Variants in CLNK observed in about 807,000 individuals in gnomAD.
The protein encoded by CLNK is cytokine dependent hematopoietic cell linker.
CLNK carries 74 observed loss-of-function variants against 68.6 expected under a neutral mutation model. The ratio of observed to expected loss-of-function variants is 1.08; its 90% confidence interval spans 0.89 to 1.31. The LOEUF is 1.31. Among genes scored for constraint, CLNK ranks in the 50% most tolerant of loss-of-function variants. The pLI is 0.00. For missense variants in CLNK, 553 were observed against 515.3 expected, an observed-to-expected ratio of 1.07 and a Z score of -0.71; for synonymous variants, 198 against 172.2, an observed-to-expected ratio of 1.15 and a Z score of -1.17.
rs189849372 is a variant in CLNK at position 10,596,055 on chromosome 4, C to T, written c.83+1923G>A. Among the ~76,000 whole-genome samples, 267 of 152,256 alleles carry T rather than the reference C, an allele frequency of 1.8e-3. 1 individual carries two copies. The highest frequency in any genetic ancestry group is 6.8e-3 in the Middle Eastern group (2 of 294). On this transcript the variant is annotated intron_variant, in intron 3 of 18. Coordinates refer to ENST00000226951, the MANE Select transcript of CLNK (RefSeq NM_052964.4). ...TGTTTTTCTTTTTGAGACAGAGTTT[C>T]GCTCTTGTTGCCCAGGCTGGAGGGC...
chr4:10,629,900 A>G (rs958134938), intron 2 of CLNK, among the ~76,000 whole-genome samples: 2 of 152,166 alleles, frequency 1.3e-5, no homozygotes, highest in African/African-American at 4.8e-5. Flanking sequence ...TCAAGGCTTC[A>G]GAAATATCCC....
intron 16 of CLNK, among the ~76,000 whole-genome samples, chr4:10,509,279 C>G (rs952855757): frequency 6.6e-6 from 1 of 152,042 alleles, no homozygotes; most frequent in Non-Finnish European, 1.5e-5. Flanking sequence ...TGATGGACAC[C>G]ACATGATCTG....
At chr4:10,583,043 A>G (rs139144392) in intron 4 of CLNK, among the ~76,000 whole-genome samples, 8 of 152,340 alleles carry the variant, frequency 5.3e-5, no homozygotes, top group African/African-American at 1.4e-4. Flanking sequence ...TCTCGCATGA[A>G]CGCCCTCTCC....
At chr4:10,611,578 C>A (rs1304533848) in intron 2 of CLNK, among the ~76,000 whole-genome samples, 1 of 151,910 alleles carries the variant, frequency 6.6e-6, no homozygotes, top group Non-Finnish European at 1.5e-5. Context: ...GCCAGAGGGG[C>A]TTCTAGAGAA....
chr4:10,526,100 G>A (rs752198173), intron 13 of CLNK, among the ~76,000 whole-genome samples, 178 bp from the exon 14 acceptor site: 4 of 152,096 alleles, frequency 2.6e-5, no homozygotes, highest in Non-Finnish European at 4.4e-5. Flanking sequence ...TGGCTCCTCA[G>A]AATGACTTTT....
intron 5 of CLNK, among the ~76,000 whole-genome samples, chr4:10,571,399 A>G (rs557353272): frequency 2.3e-5 from 3 of 129,338 alleles, no homozygotes; most frequent in Non-Finnish European, 3.0e-5. Context: ...CAAGGGTGCT[A>G]TCTCGGCTCA....
At chr4:10,700,711 C>T in the CLNK span, among the ~76,000 whole-genome samples, 202 of 152,242 alleles carry the variant, frequency 1.3e-3, 1 homozygote, top group African/African-American at 4.6e-3. Context: ...AGTTTACATT[C>T]TTCTGTAAGC....
chr4:10,575,492 C>T (rs1720527754), intron 4 of CLNK, among the ~76,000 whole-genome samples: 1 of 152,282 alleles, frequency 6.6e-6, no homozygotes, highest in South Asian at 2.1e-4. Flanking sequence ...CGCTGTTCCT[C>T]ACCACTCCTG....
At chr4:10,587,034 G>A (rs1217602825) in intron 3 of CLNK, among the ~76,000 whole-genome samples, 3 of 150,944 alleles carry the variant, frequency 2.0e-5, no homozygotes, top group African/African-American at 4.9e-5. Context: ...TTGGAATCTT[G>A]GCTCACTGCA....
intron 3 of CLNK, among the ~76,000 whole-genome samples, chr4:10,595,284 C>T (rs922295598): frequency 2.0e-5 from 3 of 152,122 alleles, no homozygotes; most frequent in South Asian, 4.1e-4. Context: ...TGGTGAAGAC[C>T]GAATGCCAAG....
the CLNK span, among the ~76,000 whole-genome samples, chr4:10,727,920 A>AT: frequency 2.0e-5 from 3 of 152,074 alleles, no homozygotes; most frequent in Admixed American, 6.6e-5. Flanking sequence ...GGGCTTAGCA[A>AT]TTTTTTTTAA....
chr4:10,674,832 A>G (rs1407360555), intron 1 of CLNK, among the ~76,000 whole-genome samples: 2 of 152,190 alleles, frequency 1.3e-5, no homozygotes, highest in Non-Finnish European at 2.9e-5. Flanking sequence ...TTCAACCCCC[A>G]TTTATGAGTA....
intron 2 of CLNK, among the ~76,000 whole-genome samples, chr4:10,652,088 A>G (rs1251856949): frequency 6.6e-6 from 1 of 152,118 alleles, no homozygotes; most frequent in Non-Finnish European, 1.5e-5. Context: ...ATCTAGTTAA[A>G]AGACATTTGA....
At chr4:10,651,989 A>AG (rs1723760149) in intron 2 of CLNK, among the ~76,000 whole-genome samples, 1 of 151,982 alleles carries the variant, frequency 6.6e-6, no homozygotes, top group Admixed American at 6.6e-5. Context: ...TCAAAAAAAA[A>AG]GAAACAAAAA....
At chr4:10,565,765 C>T (rs1560218969) in intron 6 of CLNK, among the ~76,000 whole-genome samples, 2 of 152,084 alleles carry the variant, frequency 1.3e-5, no homozygotes, top group East Asian at 1.9e-4. Flanking sequence ...CTGGTGAGAA[C>T]TCAACATGCG....
chr4:10,712,618 T>G, the CLNK span, among the ~76,000 whole-genome samples: 1 of 152,356 alleles, frequency 6.6e-6, no homozygotes, highest in African/African-American at 2.4e-5. Flanking sequence ...GGAATTCTGT[T>G]AAGGCATAAG....
intron 7 of CLNK, among the ~76,000 whole-genome samples, chr4:10,560,965 C>T (rs556368619): frequency 1.6e-4 from 24 of 152,036 alleles, no homozygotes; most frequent in African/African-American, 4.6e-4. Flanking sequence ...GGCATGATCA[C>T]GGCTCACTGC....
At chr4:10,524,616 G>A (rs1718224912) in intron 14 of CLNK, among the ~76,000 whole-genome samples, 1 of 152,188 alleles carries the variant, frequency 6.6e-6, no homozygotes, top group African/African-American at 2.4e-5. Flanking sequence ...GTCCTTATGG[G>A]CAACACTGGC....
chr4:10,516,762 T>G (rs9991844), intron 15 of CLNK, among the ~76,000 whole-genome samples: 148,813 of 152,306 alleles, frequency 0.98, 72,731 homozygotes, highest in East Asian at 1. Flanking sequence ...TGCTAGCCAG[T>G]CTGGTCTTGA....
Sources: allele counts gnomAD v4.1 joint callset (sites outside exome capture counted in the v4.1 genomes callset), GRCh38; gene constraint gnomAD v4.1.1; transcripts MANE v1.5; gene names NCBI Gene and HGNC (gene_info 2026-07-23, HGNC 2026-07-21).